ESR1: variants seen among roughly 807,000 people sequenced by gnomAD.
ESR1 encodes estrogen receptor.
A neutral mutation model predicts 52.7 loss-of-function variants in ESR1; 12 were observed. The observed-to-expected ratio is 0.23, with a 90% CI of 0.15 to 0.37. ESR1 has a LOEUF of 0.37. Ranked by LOEUF, ESR1 falls within the 10% of genes least tolerant of loss-of-function variation. ESR1 has a pLI of 1.00. For missense variants in ESR1, 584 were observed against 779.7 expected, an observed-to-expected ratio of 0.75 and a Z score of 2.99; for synonymous variants, 305 against 316.8, an observed-to-expected ratio of 0.96 and a Z score of 0.39.
At chr6:152,083,470 A>G (rs2049414643) in intron 6 of ESR1, among the ~76,000 whole-genome samples, 1 of 152,218 alleles carries the variant, frequency 6.6e-6, no homozygotes, top group African/African-American at 2.4e-5. Flanking sequence ...TCGCTCAAGA[A>G]GGATTAAAGA....
chr6:151,770,117 T>C (rs769281271), intron 2 of ESR1, among the ~76,000 whole-genome samples: 1 of 152,056 alleles, frequency 6.6e-6, no homozygotes, highest in Non-Finnish European at 1.5e-5. Context: ...ATGGGCATGA[T>C]AGGTGAGTTA....
intron 2 of ESR1, among the ~76,000 whole-genome samples, chr6:151,777,016 T>A (rs1268174428): frequency 1.3e-5 from 2 of 151,788 alleles, no homozygotes; most frequent in African/African-American, 2.4e-5. Flanking sequence ...GGGATGTGAA[T>A]GGCATCTGAG....
chr6:151,898,634 A>G (rs1372040373), intron 3 of ESR1, among the ~76,000 whole-genome samples: 1 of 152,104 alleles, frequency 6.6e-6, no homozygotes, highest in African/African-American at 2.4e-5. Flanking sequence ...GCATCTGTTT[A>G]ACAAAGCACA....
chr6:152,096,773 A>G, intron 7 of ESR1: 1 of 435,222 alleles, frequency 2.3e-6, no homozygotes. Flanking sequence ...TTTGATGAGT[A>G]TTATAGAGAG....
At chr6:151,812,296 C>T (rs907872454) in intron 1 of ESR1, among the ~76,000 whole-genome samples, 1 of 152,040 alleles carries the variant, frequency 6.6e-6, no homozygotes, top group Non-Finnish European at 1.5e-5. Context: ...TGTTTTGGTG[C>T]TTTCATAGGC....
chr6:152,003,781 A>G (rs920751696), intron 4 of ESR1, among the ~76,000 whole-genome samples: 2 of 143,892 alleles, frequency 1.4e-5, no homozygotes, highest in Non-Finnish European at 3.0e-5. Context: ...AACTTCCTAC[A>G]AAAAGTGAGG....
upstream of ESR1, among the ~76,000 whole-genome samples, chr6:151,685,750 A>G (rs1002647514): frequency 1.3e-5 from 2 of 152,166 alleles, no homozygotes; most frequent in African/African-American, 4.8e-5. Context: ...TGTAAATATG[A>G]TAGCCCATTT....
intron 5 of ESR1, among the ~76,000 whole-genome samples, chr6:152,051,164 T>G (rs2046646295): frequency 6.6e-6 from 1 of 152,152 alleles, no homozygotes; most frequent in Admixed American, 6.5e-5. Context: ...TCTATTCTCT[T>G]ATCATAAACA....
intron 2 of ESR1, among the ~76,000 whole-genome samples, chr6:151,764,276 A>T (rs1007183693): frequency 6.6e-6 from 1 of 151,788 alleles, no homozygotes; most frequent in Non-Finnish European, 1.5e-5. Flanking sequence ...TTATTTATTT[A>T]TTTTTTTTCT....
chr6:151,901,654 T>G (rs534335218), intron 3 of ESR1, among the ~76,000 whole-genome samples: 75 of 152,342 alleles, frequency 4.9e-4, no homozygotes, highest in African/African-American at 1.6e-3. Context: ...AGCTGTCTAA[T>G]TAAATCAGCT....
chr6:151,736,521 A>C (rs2982555), intron 2 of ESR1, among the ~76,000 whole-genome samples: 86,430 of 151,428 alleles, frequency 0.57, 25,271 homozygotes, highest in African/African-American at 0.61. Context: ...TACAGGCACA[A>C]GCCACCAAGC....
chr6:151,984,572 A>G (rs1216455469), intron 4 of ESR1, among the ~76,000 whole-genome samples: 2 of 152,152 alleles, frequency 1.3e-5, no homozygotes, highest in African/African-American at 4.8e-5. Flanking sequence ...TAGACAGTCC[A>G]GCTCCACTAC....
chr6:151,957,885 C>T (rs1416193578), intron 4 of ESR1, among the ~76,000 whole-genome samples: 1 of 152,128 alleles, frequency 6.6e-6, no homozygotes, highest in East Asian at 1.9e-4. Flanking sequence ...AGTGGTATGG[C>T]AACTCCACAG....
intron 3 of ESR1, among the ~76,000 whole-genome samples, chr6:151,883,135 T>G (rs906507842): frequency 3.3e-5 from 5 of 151,882 alleles, no homozygotes; most frequent in Non-Finnish European, 7.4e-5. Context: ...TTTTTTTTTT[T>G]GAGAGATGGA....
intron 3 of ESR1, among the ~76,000 whole-genome samples, chr6:151,899,119 C>CG (rs1796089466): frequency 8.3e-6 from 1 of 119,922 alleles, no homozygotes; most frequent in African/African-American, 3.6e-5. Context: ...GCTGGCCGGG[C>CG]GGGGGGCTGA....
rs563228037 is a variant in ESR1, at chr6:151,988,014, A to G, written c.1097-23642A>G. On this transcript the variant is annotated intron_variant, in intron 4 of 7. Coordinates refer to ENST00000206249, the MANE Select transcript of ESR1 (RefSeq NM_000125.4). ...AAACTCAGTATAGTTTTAAAGCAGC[A>G]GTCCCCAACCCTTTTGGCACCAGGG... 7.2e-5 allele frequency among the ~76,000 whole-genome samples: 11 copies of G among 152,252 alleles called. No individual in the cohort carries two copies. In the East Asian group the frequency reaches 2.1e-3, roughly 29 times the overall value.
chr6:151,793,311 G>A (rs557723674), intron 2 of ESR1, among the ~76,000 whole-genome samples: 2 of 152,048 alleles, frequency 1.3e-5, no homozygotes, highest in South Asian at 4.2e-4. Context: ...AAGTCCTCAG[G>A]GACAGTAACA....
chr6:151,770,582 A>C (rs1315210519), intron 2 of ESR1, among the ~76,000 whole-genome samples: 1 of 152,068 alleles, frequency 6.6e-6, no homozygotes, highest in African/African-American at 2.4e-5. Context: ...AGAATCTTCA[A>C]ATTGACCATT....
chr6:151,727,995 A>G (rs1341740678), intron 2 of ESR1, among the ~76,000 whole-genome samples: 1 of 152,194 alleles, frequency 6.6e-6, no homozygotes, highest in Non-Finnish European at 1.5e-5. Context: ...AAATTAACTA[A>G]TACAGCAACC....
Sources: allele counts gnomAD v4.1 joint callset (sites outside exome capture counted in the v4.1 genomes callset), GRCh38; gene constraint gnomAD v4.1.1; transcripts MANE v1.5; gene names NCBI Gene and HGNC (gene_info 2026-07-23, HGNC 2026-07-21).